The following KBTBD3 variants were observed in gnomAD, a reference collection of about 807,000 sequenced individuals.
The protein encoded by KBTBD3 is kelch repeat and BTB domain-containing protein 3.
A neutral mutation model predicts 49.6 loss-of-function variants in KBTBD3; 38 were observed. That is an observed-to-expected ratio of 0.77 (90% CI 0.59 to 1.00). The LOEUF is 1.00. Ranked by LOEUF, KBTBD3 falls within the 50% of genes least tolerant of loss-of-function variation. KBTBD3 has a pLI of 0.00. For synonymous variants in KBTBD3, 214 were observed against 250.4 expected (o/e 0.85, Z 1.37); for missense variants, 661 against 712.0 (o/e 0.93, Z 0.81).
chr11:106,057,535 T>C (rs1449692566), intron 3 of KBTBD3: 1 of 152,252 alleles, frequency 6.6e-6, no homozygotes, highest in East Asian at 1.9e-4. Context: ...AGTACTACCT[T>C]GATACAATTA....
At position 106,051,581 on chromosome 11, in the gene KBTBD3, A is replaced by T. The variant is rs1860420107; in HGVS notation, c.*1269T>A. On this transcript the variant is annotated 3_prime_UTR_variant, in exon 4 of 4. Coordinates refer to ENST00000531837, the MANE Select transcript of KBTBD3 (RefSeq NM_198439.3). ...TTGGTTCCAGAGAAGTACAATCTAC[A>T]CATTACCTGAGATGTAAAGCAGGGG... 6.6e-6 allele frequency: 1 copy of T among 151,930 alleles called. No homozygotes were observed. The highest frequency in any genetic ancestry group is 1.5e-5 in the Non-Finnish European group (1 of 67,860). The allele number at this position is 151,930 out of a possible 1,614,324, so 9.4% of individuals were successfully genotyped here. A position where few individuals can be genotyped will look rare whatever the true frequency, so the allele number is the denominator to read the frequency against.
intron 2 of KBTBD3, among the ~76,000 whole-genome samples, chr11:106,060,608 G>C (rs572842502): frequency 2.7e-4 from 41 of 152,202 alleles, no homozygotes; most frequent in Non-Finnish European, 4.7e-4. Flanking sequence ...ACTGAAACTG[G>C]ACCCCTTCCT....
Position 106,058,997 on chromosome 11 carries a change from T to C in KBTBD3, c.101A>G (p.His34Arg), listed in dbSNP as rs181292093. 3.8e-6 allele frequency: 6 copies of C among 1,560,228 alleles called. No homozygotes were observed. The African/African-American group carries it at 7.0e-5, about 18-fold the overall frequency. Reference sequence around the variant, plus strand: ...TAGTACACTTAAGATTTTTTGTCCATGATCTTCTGATACAAGGAAGTTGTT... The same window carrying C: ...TAGTACACTTAAGATTTTTTGTCCACGATCTTCTGATACAAGGAAGTTGTT... ...KKNNFLVSED[H>R]GQKILSVLQN... The change falls in exon 3 of 4, where the codon CAT becomes CGT. Residue 34 changes from histidine to arginine, a missense_variant. Coordinates refer to ENST00000531837, the MANE Select transcript of KBTBD3 (RefSeq NM_198439.3).
chr11:106,069,303 G>T (rs1041552618), intron 2 of KBTBD3, among the ~76,000 whole-genome samples: 3 of 151,916 alleles, frequency 2.0e-5, no homozygotes, highest in African/African-American at 7.2e-5. Flanking sequence ...AAACAAAACT[G>T]CCTCTATTTG....
At chr11:106,074,919 A>G (rs1476856829) in intron 2 of KBTBD3, among the ~76,000 whole-genome samples, 2 of 152,238 alleles carry the variant, frequency 1.3e-5, no homozygotes, top group Non-Finnish European at 2.9e-5. Flanking sequence ...CTTGGGGGAA[A>G]AAAGAAGGGT....
rs758309420 is a variant in KBTBD3, at chr11:106,051,948, T to C, written c.*902A>G. 17 of 151,864 alleles carry C rather than the reference T, an allele frequency of 1.1e-4. No homozygotes were observed. The highest frequency in any genetic ancestry group is 1.8e-4 in the Non-Finnish European group (12 of 67,844). 9.4% of individuals were successfully genotyped at this position (151,864 alleles called of 1,614,324 possible). ...TGAAATTTGGATAAAGCTTAAGAAA[T>C]GCCATAATAATGATCCACTTAATTA... On this transcript the variant is annotated 3_prime_UTR_variant, in exon 4 of 4. Coordinates refer to ENST00000531837, the MANE Select transcript of KBTBD3 (RefSeq NM_198439.3).
At chr11:106,072,057 T>A (rs1860928842) in intron 2 of KBTBD3, among the ~76,000 whole-genome samples, 1 of 152,196 alleles carries the variant, frequency 6.6e-6, no homozygotes, top group South Asian at 2.1e-4. Context: ...CTGACAGGCA[T>A]CTTAAAATCA....
chr11:106,064,027 C>A lies in KBTBD3; in HGVS notation c.-12-4918G>T, dbSNP rs59230160. Among the ~76,000 whole-genome samples the A allele has an allele frequency of 3.3e-3, 498 of 152,282 alleles. 1 individual carries two copies. The highest frequency in any genetic ancestry group is 0.011 in the African/African-American group (472 of 41,548). ...AACAGAAAAGACAAGCAAATCATTT[C>A]ATTGACATTAATCAATAAGTTTACA... On this transcript the variant is annotated intron_variant, in intron 2 of 3. Coordinates refer to ENST00000531837, the MANE Select transcript of KBTBD3 (RefSeq NM_198439.3).
chr11:106,075,146 C>A (rs1454506066), intron 2 of KBTBD3, among the ~76,000 whole-genome samples: 10 of 152,118 alleles, frequency 6.6e-5, no homozygotes, highest in Admixed American at 5.9e-4. Flanking sequence ...TGCTAAGAAG[C>A]CACAGATCAG....
intron 3 of KBTBD3, among the ~76,000 whole-genome samples, chr11:106,056,300 A>C (rs1456172979): frequency 6.6e-6 from 1 of 152,210 alleles, no homozygotes; most frequent in African/African-American, 2.4e-5. Flanking sequence ...TATTTAAACC[A>C]GGTAGAAAAC....
Position 106,068,994 on chromosome 11 carries a change from T to C in KBTBD3, c.-13+7513A>G, listed in dbSNP as rs114922861. 1.9e-3 allele frequency among the ~76,000 whole-genome samples: 282 copies of C among 151,758 alleles called. 1 individual carries two copies. Among genetic ancestry groups the C allele is most frequent in the African/African-American group, 6.5e-3 (271 of 41,424 alleles). ...GATGCATAAAAAGCATTTGAAAAAA[T>C]ACAACACCCAGTTATGGGGAAAACT... is the stretch of plus-strand genomic sequence containing the variant. On this transcript the variant is annotated intron_variant, in intron 2 of 3. Transcript: ENST00000531837.
intron 3 of KBTBD3, among the ~76,000 whole-genome samples, chr11:106,056,874 A>G (rs761730162): frequency 1.1e-4 from 17 of 152,212 alleles, no homozygotes; most frequent in Non-Finnish European, 2.2e-4. Flanking sequence ...GAAAAGAGTT[A>G]CATGGAAGAA....
intron 2 of KBTBD3, among the ~76,000 whole-genome samples, chr11:106,068,408 G>T (rs1860852435): frequency 6.6e-6 from 1 of 152,152 alleles, no homozygotes; most frequent in African/African-American, 2.4e-5. Context: ...GGATCAAAGA[G>T]AAAGTTTCAA....
At chr11:106,056,332 C>G (rs144788847) in intron 3 of KBTBD3, among the ~76,000 whole-genome samples, 4 of 152,210 alleles carry the variant, frequency 2.6e-5, no homozygotes, top group Admixed American at 1.3e-4. Context: ...ATTGTTCTAA[C>G]AGTAATTTTA....
chr11:106,053,048 A>T lies in KBTBD3; in HGVS notation c.1641T>A (p.Ile547=). 1 of 1,613,658 alleles carries T rather than the reference A, an allele frequency of 6.2e-7. No individual in the cohort carries two copies. Among genetic ancestry groups the T allele is most frequent in the Non-Finnish European group, 8.5e-7 (1 of 1,179,736 alleles). ...FECAGFNAGA[I]GIEDKIYILG... ...ATATATAAATTTTATCTTCAATTCC[A>T]ATTGCACCTGCATTAAAGCCTGCAC... The change falls in exon 4 of 4, where the codon ATT becomes ATA. Residue 547 remains isoleucine, a synonymous_variant. Transcript: ENST00000531837.
At chr11:106,062,921 C>T (rs1003771050) in intron 2 of KBTBD3, among the ~76,000 whole-genome samples, 5 of 152,222 alleles carry the variant, frequency 3.3e-5, no homozygotes, top group African/African-American at 1.2e-4. Context: ...TAATTCTTTA[C>T]CTCACAAGGC....
At position 106,058,898 on chromosome 11, in the gene KBTBD3, C is replaced by G. The variant is rs767865499; in HGVS notation, c.200G>C (p.Arg67Pro). The part of the protein sequence containing the change: ...IMKDEIIPCH[R>P]CVLAACSDFF... The stretch of plus-strand genomic sequence containing the variant: ...GTCACTGCATGCTGCTAACACACAA[C>G]GATGACACGGGATTATTTCATCTTT... Residue 67 changes from arginine to proline, a missense_variant, in exon 3 of 4, where the codon CGT (arginine) becomes CCT (proline). By Grantham distance (103) the Arg-to-Pro change is moderately radical. Coordinates refer to ENST00000531837, the MANE Select transcript of KBTBD3 (RefSeq NM_198439.3). 1.8e-5 allele frequency: 28 copies of G among 1,574,116 alleles called. No homozygotes were observed. The highest frequency in any genetic ancestry group is 2.4e-5 in the Non-Finnish European group (28 of 1,167,070).
intron 3 of KBTBD3, among the ~76,000 whole-genome samples, chr11:106,055,931 ATTAATC>A (rs763412037): frequency 5.3e-5 from 8 of 152,186 alleles, no homozygotes; most frequent in African/African-American, 9.7e-5. Context: ...ATTTCATTCT[ATTAATC>A]TTAGAGTATC....
At chr11:106,060,058 T>G (rs375368723) in intron 2 of KBTBD3, among the ~76,000 whole-genome samples, 4 of 152,206 alleles carry the variant, frequency 2.6e-5, no homozygotes, top group South Asian at 2.1e-4. Flanking sequence ...TCTGAAGGTC[T>G]GACTGGGTTA....
Sources: gnomAD v4.1 joint callset for allele counts (sites outside exome capture counted in the v4.1 genomes callset) on GRCh38, gnomAD v4.1.1 for gene constraint, MANE v1.5 for transcripts, NCBI Gene and HGNC (gene_info 2026-07-23, HGNC 2026-07-21) for gene names.